Variants in SERPINB12 observed in about 807,000 individuals in gnomAD.
The protein encoded by SERPINB12 is serpin B12.
In SERPINB12, 57 loss-of-function variants were observed where a neutral mutation model predicts 41.1. The observed-to-expected ratio is 1.39, with a 90% CI of 1.12 to 1.73. The LOEUF (loss-of-function observed/expected upper bound fraction) is 1.73. SERPINB12 is among the 40% of genes most tolerant of loss of function. The pLI is 0.00. For missense variants in SERPINB12, 536 were observed against 501.9 expected, an observed-to-expected ratio of 1.07 and a Z score of -0.65; for synonymous variants, 180 against 181.3, an observed-to-expected ratio of 0.99 and a Z score of 0.06.
chr18:63,543,724 G>A lies in SERPINB12; in HGVS notation c.-19+1232G>A, dbSNP rs968592136. ...TGATTCTCCTGCCTCAGCCTCCTGA[G>A]GCAGGGATTATAGCCTCCTGTAGCT... On this transcript the variant is annotated intron_variant, in intron 1 of 7. Transcript: ENST00000382768. Among the ~76,000 whole-genome samples, 7 of 152,052 alleles carry A rather than the reference G, an allele frequency of 4.6e-5. No homozygotes were observed. In the East Asian group the frequency reaches 7.8e-4, roughly 17 times the overall value.
chr18:63,544,947 C>G (rs745758804), intron 1 of SERPINB12, among the ~76,000 whole-genome samples: 5 of 152,078 alleles, frequency 3.3e-5, no homozygotes, highest in Non-Finnish European at 7.4e-5. Flanking sequence ...TGACAAAGAG[C>G]CCCTTTGTAA....
the SERPINB12 span, among the ~76,000 whole-genome samples, chr18:63,535,652 G>A: frequency 6.6e-6 from 1 of 152,060 alleles, no homozygotes; most frequent in African/African-American, 2.4e-5. Context: ...GACATTTTTG[G>A]GATAACTGGT....
chr18:63,549,647 T>C (rs12956139), intron 1 of SERPINB12, among the ~76,000 whole-genome samples: 87,750 of 152,008 alleles, frequency 0.58, 27,554 homozygotes, highest in Middle Eastern at 0.72. Context: ...GCAACCCCCA[T>C]AAAGATTGTA....
upstream of SERPINB12, among the ~76,000 whole-genome samples, chr18:63,542,197 G>A (rs1910286621): frequency 6.6e-6 from 1 of 152,168 alleles, no homozygotes; most frequent in African/African-American, 2.4e-5. Context: ...CTAAAGGAGA[G>A]GCCCTCATGG....
chr18:63,520,280 C>T, the SERPINB12 span, among the ~76,000 whole-genome samples: 1 of 152,134 alleles, frequency 6.6e-6, no homozygotes, highest in Admixed American at 6.6e-5. Flanking sequence ...ACAATGGTGG[C>T]AGGAGCCATG....
At position 63,561,222 on chromosome 18, in the gene SERPINB12, C is replaced by A; in HGVS notation, c.562+20C>A. ...CCCAAGGTAAGAAAGCCCAAAAGCA[C>A]GGGAGCTGGTATTGGTTTCCATTTA... On this transcript the variant is annotated intron_variant, in intron 5 of 7. Coordinates refer to ENST00000382768, the MANE Select transcript of SERPINB12 (RefSeq NM_001307928.2). The A allele has an allele frequency of 1.4e-6, 2 of 1,434,366 alleles. No individual in the cohort carries two copies. Among genetic ancestry groups the A allele is most frequent in the Non-Finnish European group, 2.0e-6 (2 of 1,018,408 alleles). The allele number at this position is 1,434,366 out of a possible 1,614,324, so 88.9% of individuals were successfully genotyped here.
intron 2 of SERPINB12, among the ~76,000 whole-genome samples, chr18:63,557,611 C>T (rs1910721889): frequency 2.6e-5 from 4 of 152,164 alleles, no homozygotes; most frequent in Admixed American, 2.6e-4. Flanking sequence ...TTTTCTTATT[C>T]CATTAGCAAA....
chr18:63,567,500 C>T lies in SERPINB12; in HGVS notation c.*489C>T, dbSNP rs755036116. Among the ~76,000 whole-genome samples the T allele has an allele frequency of 6.6e-6, 1 of 152,116 alleles. No individual in the cohort carries two copies. Among genetic ancestry groups the T allele is most frequent in the African/African-American group, 2.4e-5 (1 of 41,424 alleles). On this transcript the variant is annotated 3_prime_UTR_variant, in exon 8 of 8. Coordinates refer to ENST00000382768, the MANE Select transcript of SERPINB12 (RefSeq NM_001307928.2). ...AGTTATGATTGTGGTCATCACTGGG[C>T]GAGATGCCCTGTTTCTTCCTTTGAC...
At chr18:63,548,683 G>T (rs1486178567) in intron 1 of SERPINB12, among the ~76,000 whole-genome samples, 2 of 151,898 alleles carry the variant, frequency 1.3e-5, no homozygotes, top group African/African-American at 4.8e-5. Flanking sequence ...TAATATGTGA[G>T]AATTTATAAA....
At chr18:63,550,991 C>T (rs1249956719) in intron 1 of SERPINB12, among the ~76,000 whole-genome samples, 1 of 152,064 alleles carries the variant, frequency 6.6e-6, no homozygotes, top group Admixed American at 6.6e-5. Flanking sequence ...AGTTTTCGGC[C>T]GGGCGCGGTG....
chr18:63,521,982 G>T, the SERPINB12 span, among the ~76,000 whole-genome samples: 1 of 152,306 alleles, frequency 6.6e-6, no homozygotes, highest in African/African-American at 2.4e-5. Flanking sequence ...CAATAGGTAG[G>T]ACTACAATCT....
At chr18:63,533,268 G>A in the SERPINB12 span, among the ~76,000 whole-genome samples, 1 of 152,154 alleles carries the variant, frequency 6.6e-6, no homozygotes, top group African/African-American at 2.4e-5. Context: ...GAGCCACCAC[G>A]CCCGGCCTCG....
At chr18:63,550,658 A>G (rs1910501006) in intron 1 of SERPINB12, among the ~76,000 whole-genome samples, 2 of 152,162 alleles carry the variant, frequency 1.3e-5, no homozygotes, top group Non-Finnish European at 2.9e-5. Flanking sequence ...CCTAGTTTAC[A>G]TGGTGTCCTG....
the SERPINB12 span, among the ~76,000 whole-genome samples, chr18:63,528,042 T>C: frequency 6.6e-6 from 1 of 152,110 alleles, no homozygotes; most frequent in Non-Finnish European, 1.5e-5. Flanking sequence ...TTGCTTCTTC[T>C]TGCCTTCCAC....
At chr18:63,566,168 A>G (rs1727748467) in intron 7 of SERPINB12, among the ~76,000 whole-genome samples, 1 of 152,280 alleles carries the variant, frequency 6.6e-6, no homozygotes, top group African/African-American at 2.4e-5. Flanking sequence ...TAGCAGGTAT[A>G]GTAGTTACAA....
At chr18:63,558,629 T>TCCATAC in intron 3 of SERPINB12, 143 bp downstream of exon 3, 2 of 927,158 alleles carry the variant, frequency 2.2e-6, no homozygotes, top group Non-Finnish European at 3.1e-6. Flanking sequence ...TGATCTGTGA[T>TCCATAC]TCCTGAGTAT....
intron 3 of SERPINB12, among the ~76,000 whole-genome samples, chr18:63,559,003 C>CCTTCTTTCT (rs1910780632): frequency 1.5e-4 from 12 of 78,536 alleles, no homozygotes; most frequent in African/African-American, 6.1e-4. Flanking sequence ...TCTTTCCTTC[C>CCTTCTTTCT]TTCTTTCTTT....
intron 2 of SERPINB12, among the ~76,000 whole-genome samples, chr18:63,557,015 C>A (rs1331388913): frequency 6.6e-6 from 1 of 152,160 alleles, no homozygotes; most frequent in African/African-American, 2.4e-5. Flanking sequence ...TGTTCAAAAA[C>A]CTGGATTTCT....
At chr18:63,534,567 T>C in the SERPINB12 span, among the ~76,000 whole-genome samples, 2 of 152,228 alleles carry the variant, frequency 1.3e-5, no homozygotes, top group Non-Finnish European at 2.9e-5. Context: ...TCTGAGGCTT[T>C]AATCTAGTGG....
Sources: allele counts gnomAD v4.1 joint callset (sites outside exome capture counted in the v4.1 genomes callset), GRCh38; gene constraint gnomAD v4.1.1; transcripts MANE v1.5; gene names NCBI Gene and HGNC (gene_info 2026-07-23, HGNC 2026-07-21).